The following USP34 variants were observed in gnomAD, a reference collection of about 807,000 sequenced individuals.
USP34 encodes ubiquitin carboxyl-terminal hydrolase 34.
Under a neutral mutation model 460.3 loss-of-function variants are expected in USP34, and 70 were observed. The ratio of observed to expected loss-of-function variants is 0.15; its 90% CI spans 0.13 to 0.19. USP34 has a LOEUF of 0.19. Ranked by LOEUF, USP34 falls within the 10% of genes least tolerant of loss-of-function variation. The pLI is 1.00. For missense variants in USP34, 3,985 were observed against 4,236.2 expected (o/e 0.94, Z 1.65); for synonymous variants, 1,647 against 1,405.3 (o/e 1.17, Z -3.85).
At chr2:61,349,875 AC>A (rs1233318784) in intron 12 of USP34, among the ~76,000 whole-genome samples, 15 of 150,900 alleles carry the variant, frequency 9.9e-5, no homozygotes, top group African/African-American at 4.9e-5. Context: ...CAACAAAAAA[AC>A]CCCACAAAGC....
chr2:61,422,124 C>T (rs1352315237), intron 1 of USP34, among the ~76,000 whole-genome samples: 1 of 152,150 alleles, frequency 6.6e-6, no homozygotes, highest in Admixed American at 6.5e-5. Context: ...AAGACCTGGG[C>T]AACAAAGCTT....
chr2:61,394,642 C>T (rs1207790929), intron 5 of USP34, among the ~76,000 whole-genome samples: 2 of 151,868 alleles, frequency 1.3e-5, no homozygotes, highest in African/African-American at 4.8e-5. Context: ...GTCATGACCC[C>T]TTTTAGCTTT....
chr2:61,283,190 A>G lies in USP34; in HGVS notation c.4953T>C (p.Asp1651=). Residue 1651 remains aspartate (D), a synonymous_variant, in exon 37 of 80, where the codon GAT becomes GAC. Coordinates refer to ENST00000398571, the MANE Select transcript of USP34 (RefSeq NM_014709.4). The stretch of plus-strand genomic sequence containing the variant: ...ATTTCTTTAGCCAATCTTGTAAATG[A>G]TCGCTATCAGCAAGGCTAGATTTCA... ...SLVKSSLADS[D]HLQDWLKKLT... is the part of the protein sequence containing the mutation. 4 of 1,613,700 alleles carry G rather than the reference A, an allele frequency of 2.5e-6. No individual in the cohort carries two copies. The highest frequency in any genetic ancestry group is 3.4e-6 in the Non-Finnish European group (4 of 1,179,750).
At chr2:61,262,028 T>C (rs1688895105) in intron 43 of USP34, among the ~76,000 whole-genome samples, 2 of 138,852 alleles carry the variant, frequency 1.4e-5, no homozygotes, top group Non-Finnish European at 3.0e-5. Context: ...GAGGCAGAGG[T>C]TGCAGTGAGC....
At chr2:61,451,969 A>C (rs1695291789) in intron 1 of USP34, among the ~76,000 whole-genome samples, 1 of 151,960 alleles carries the variant, frequency 6.6e-6, no homozygotes, top group Non-Finnish European at 1.5e-5. Flanking sequence ...AGGTCAGGAG[A>C]TCGAGACCAT....
chr2:61,372,217 A>G (rs538267264), intron 8 of USP34, among the ~76,000 whole-genome samples: 1 of 152,162 alleles, frequency 6.6e-6, no homozygotes, highest in South Asian at 2.1e-4. Flanking sequence ...TATGCTAACA[A>G]TTTTTATTTA....
rs998022261 is a variant in USP34 at position 61,378,371 on chromosome 2, G to A, written c.1068C>T (p.Asp356=). The A allele has an allele frequency of 1.9e-6, 3 of 1,591,622 alleles. No homozygotes were observed. In the African/African-American group the frequency reaches 4.1e-5, roughly 22 times the overall value. ...TTAATGCTCCTACTTACGTTTCTGT[G>A]TCCGATACTAATGATTCATTATTGC... ...DVCNNESLVS[D]TETSIAKELA... is the part of the protein sequence containing the mutation. The change falls in exon 8 of 80, where the codon GAC becomes GAT. Residue 356 remains aspartate (D), a synonymous_variant. Coordinates refer to ENST00000398571, the MANE Select transcript of USP34 (RefSeq NM_014709.4).
chr2:61,317,606 C>A, intron 23 of USP34, 48 bp downstream of exon 23: 3 of 1,490,964 alleles, frequency 2.0e-6, no homozygotes, highest in Non-Finnish European at 1.9e-6. Flanking sequence ...ATTTGATAAT[C>A]TAATTTGAGG....
intron 3 of USP34, among the ~76,000 whole-genome samples, chr2:61,405,267 A>AAAG (rs982919764): frequency 1.3e-5 from 2 of 151,026 alleles, no homozygotes; most frequent in African/African-American, 4.9e-5. Flanking sequence ...AGAAAGAAAG[A>AAAG]AAGAAAGAAA....
chr2:61,422,916 C>T (rs1449980017), intron 1 of USP34, among the ~76,000 whole-genome samples: 2 of 152,102 alleles, frequency 1.3e-5, no homozygotes, highest in African/African-American at 4.8e-5. Context: ...GGAAGGATCA[C>T]TCGAACCTGG....
intron 75 of USP34, chr2:61,200,641 G>A (rs1686948759): frequency 6.6e-6 from 1 of 152,110 alleles, no homozygotes; most frequent in Non-Finnish European, 1.5e-5. Flanking sequence ...TTAATATTGT[G>A]GCCCTTGGAC....
intron 41 of USP34, among the ~76,000 whole-genome samples, chr2:61,273,792 C>A (rs538742498): frequency 3.2e-4 from 48 of 151,608 alleles, no homozygotes; most frequent in African/African-American, 1.0e-3. Flanking sequence ...AATGAACAAA[C>A]AAATCAATAA....
intron 28 of USP34, 33 bp downstream of exon 28, chr2:61,301,321 C>A: frequency 6.3e-7 from 1 of 1,599,830 alleles, no homozygotes; most frequent in South Asian, 1.1e-5. Context: ...ATAAACAGAT[C>A]ATTAAAACTC....
In USP34 at chr2:61,228,726, A is replaced by G; in HGVS notation, c.7369-7T>C. On this transcript the variant is annotated splice_polypyrimidine_tract_variant and splice_region_variant and intron_variant, in intron 60 of 79. Transcript: ENST00000398571. ...ATGAAAGCAAAAATTGGCTCTAAAC[A>G]AACAAACAAACAAAATTTAAAAATA... 1 of 1,601,554 alleles carries G rather than the reference A, an allele frequency of 6.2e-7. No homozygotes were observed. The highest frequency in any genetic ancestry group is 8.5e-7 in the Non-Finnish European group (1 of 1,176,138).
At chr2:61,385,014 C>T (rs975590686) in intron 5 of USP34, among the ~76,000 whole-genome samples, 1 of 152,136 alleles carries the variant, frequency 6.6e-6, no homozygotes, top group Non-Finnish European at 1.5e-5. Context: ...AGCAAAACTG[C>T]TGCTAGGTTA....
chr2:61,295,534 A>T (rs543627658), intron 30 of USP34, among the ~76,000 whole-genome samples: 1 of 152,248 alleles, frequency 6.6e-6, no homozygotes, highest in Non-Finnish European at 1.5e-5. Flanking sequence ...TGGGAAAATA[A>T]TTAACTGTTA....
intron 3 of USP34, 43 bp from the exon 4 acceptor site, chr2:61,395,276 C>T (rs757592404): frequency 1.8e-6 from 2 of 1,140,728 alleles, no homozygotes; most frequent in Non-Finnish European, 2.5e-6. Context: ...GTTACAACTA[C>T]TAACCTTTAA....
In USP34 at chr2:61,187,588, TTAAA is replaced by T. The variant is rs2103721708; in HGVS notation, c.*510_*513del. On this transcript the variant is annotated 3_prime_UTR_variant, in exon 80 of 80. Coordinates refer to ENST00000398571, the MANE Select transcript of USP34 (RefSeq NM_014709.4). ...CTTTATTTCCTCCACAGGTATTCTGTTAAATAAAGCACCATTTATATACTGCCAG... is the reference window on the plus strand; with the variant it reads ...CTTTATTTCCTCCACAGGTATTCTGTTAAAGCACCATTTATATACTGCCAG... The T allele has an allele frequency of 2.2e-6, 2 of 917,074 alleles. No individual in the cohort carries two copies. Among genetic ancestry groups the T allele is most frequent in the Non-Finnish European group, 2.6e-6 (2 of 767,202 alleles). The allele number at this position is 917,074 out of a possible 1,614,324, so 56.8% of individuals were successfully genotyped here. A position where few individuals can be genotyped will look rare whatever the true frequency, so the allele number is the denominator to read the frequency against.
At chr2:61,199,203 T>G (rs1686896775) in intron 75 of USP34, among the ~76,000 whole-genome samples, 1 of 152,216 alleles carries the variant, frequency 6.6e-6, no homozygotes, top group Admixed American at 6.5e-5. Flanking sequence ...CTCATGGTGG[T>G]ATTCATGTGA....
Sources: gnomAD v4.1 joint callset for allele counts (sites outside exome capture counted in the v4.1 genomes callset) on GRCh38, gnomAD v4.1.1 for gene constraint, MANE v1.5 for transcripts, NCBI Gene and HGNC (gene_info 2026-07-23, HGNC 2026-07-21) for gene names.